The following SLC5A10 variants were observed in gnomAD, a reference collection of about 807,000 sequenced individuals.
SLC5A10 encodes the protein sodium/mannose cotransporter SLC5A10.
A neutral mutation model predicts 68.9 loss-of-function variants in SLC5A10; 55 were observed. The ratio of observed to expected loss-of-function variants is 0.80; its 90% CI spans 0.64 to 1.00. SLC5A10 has a LOEUF of 1.00. Among genes scored for constraint, SLC5A10 ranks in the 50% least tolerant of loss-of-function variants. The pLI is 0.00. For missense variants in SLC5A10, 732 were observed against 819.3 expected (o/e 0.89, Z 1.30); for synonymous variants, 344 against 344.8 (o/e 1.00, Z 0.02).
intron 1 of SLC5A10, 98 bp from the exon 2 acceptor site, chr17:18,958,584 A>G (rs2042548918): frequency 1.0e-6 from 1 of 971,976 alleles, no homozygotes; most frequent in Non-Finnish European, 1.6e-6. Context: ...TGGTGATTCT[A>G]TGCGTAACCT....
intron 9 of SLC5A10, among the ~76,000 whole-genome samples, chr17:18,982,886 T>G (rs1271258609): frequency 6.6e-6 from 1 of 152,176 alleles, no homozygotes; most frequent in Non-Finnish European, 1.5e-5. Context: ...ACGCCTCAGT[T>G]TTCTCATCTA....
intron 1 of SLC5A10, among the ~76,000 whole-genome samples, chr17:18,953,207 C>T (rs2042411513): frequency 6.7e-6 from 1 of 149,828 alleles, no homozygotes; most frequent in African/African-American, 2.5e-5. Flanking sequence ...ACTATCTCGG[C>T]TCACTGCAAC....
chr17:19,018,257 C>T lies in SLC5A10; in HGVS notation c.1242-1166C>T, dbSNP rs1410557572. 6.6e-6 allele frequency: 1 copy of T among 152,392 alleles called. No homozygotes were observed. Among genetic ancestry groups the T allele is most frequent in the African/African-American group, 2.4e-5 (1 of 41,456 alleles). The allele number at this position is 152,392 out of a possible 1,614,324, so 9.4% of individuals were successfully genotyped here. A position where few individuals can be genotyped will look rare whatever the true frequency, so the allele number is the denominator to read the frequency against. On this transcript the variant is annotated intron_variant, in intron 11 of 14. Coordinates refer to ENST00000395645, the MANE Select transcript of SLC5A10 (RefSeq NM_001042450.4). The surrounding 1 kb of genome is among the most constrained non-coding windows in gnomAD (Gnocchi z 4.2). Reference sequence around the variant, plus strand: ...GTTCCAGCGGGTCACCCACCACCCACCTTGGGGGTGAGGAATGCCAACTGA... The same window carrying T: ...GTTCCAGCGGGTCACCCACCACCCATCTTGGGGGTGAGGAATGCCAACTGA...
At chr17:18,960,789 A>G (rs2042599331) in intron 5 of SLC5A10, 137 bp downstream of exon 5, 2 of 864,618 alleles carry the variant, frequency 2.3e-6, no homozygotes, top group East Asian at 2.6e-5. Flanking sequence ...GAGAGGGGCA[A>G]TGACTTGCCC....
At chr17:18,954,744 T>C (rs9903337) in intron 1 of SLC5A10, among the ~76,000 whole-genome samples, 19,971 of 152,108 alleles carry the variant, frequency 0.13, 2,323 homozygotes, top group African/African-American at 0.3. Flanking sequence ...TGTTAACAAG[T>C]GACTGAAAAC....
intron 9 of SLC5A10, chr17:18,988,481 G>A: frequency 6.3e-7 from 1 of 1,587,240 alleles, no homozygotes; most frequent in Non-Finnish European, 8.6e-7. Flanking sequence ...TGCCCTGGCA[G>A]AGCGCACAGC....
chr17:18,953,744 T>C (rs1459592847), intron 1 of SLC5A10: 1 of 152,678 alleles, frequency 6.5e-6, no homozygotes, highest in Non-Finnish European at 1.5e-5. Context: ...ACCCAAAATC[T>C]GGAACATTTT....
Position 19,020,439 on chromosome 17 carries a change from A to G in SLC5A10, c.*8A>G. The G allele has an allele frequency of 6.2e-7, 1 of 1,612,536 alleles. No homozygotes were observed. The highest frequency in any genetic ancestry group is 2.2e-5 in the East Asian group (1 of 44,870). ...TATGCCTACTTCGCCTGACACTGCC[A>G]TCCTGGACAGAAAGGCAGGAGCTCT... On this transcript the variant is annotated 3_prime_UTR_variant, in exon 15 of 15. Transcript: ENST00000395645.
In SLC5A10 at chr17:19,019,445, G is replaced by A. The variant is rs1450425478; in HGVS notation, c.1264G>A (p.Gly422Ser). ...VGRLVIVALI[G>S]VSVAWIPVLQ... is the part of the protein sequence containing the mutation. The stretch of plus-strand genomic sequence containing the variant: ...CAGGCTGGTCATAGTGGCACTCATC[G>A]GCGTGAGTGTGGCCTGGATCCCCGT... The change falls in exon 12 of 15, where the codon GGC becomes AGC. Residue 422 changes from glycine to serine, a missense_variant. By Grantham distance (56) the Gly-to-Ser change is moderately conservative (BLOSUM62 0). Coordinates refer to ENST00000395645, the MANE Select transcript of SLC5A10 (RefSeq NM_001042450.4). 9 of 1,611,108 alleles carry A rather than the reference G, an allele frequency of 5.6e-6. No individual in the cohort carries two copies. Among genetic ancestry groups the A allele is most frequent in the South Asian group, 1.1e-5 (1 of 91,046 alleles).
chr17:18,994,882 T>C (rs1313319430), intron 9 of SLC5A10, among the ~76,000 whole-genome samples: 1 of 152,194 alleles, frequency 6.6e-6, no homozygotes, highest in African/African-American at 2.4e-5. Flanking sequence ...TGTTCTATTG[T>C]TTATAAAAGC....
chr17:18,963,286 G>A (rs1296975947), intron 5 of SLC5A10, among the ~76,000 whole-genome samples: 2 of 152,204 alleles, frequency 1.3e-5, no homozygotes, highest in Admixed American at 6.5e-5. Context: ...AGGTCACAGC[G>A]AGTCAGGCAG....
chr17:18,962,228 G>T (rs1217623485), intron 5 of SLC5A10, among the ~76,000 whole-genome samples: 2 of 152,202 alleles, frequency 1.3e-5, no homozygotes, highest in Non-Finnish European at 2.9e-5. Flanking sequence ...GGACAGGCAT[G>T]AAACTCAGAA....
chr17:18,970,195 G>A (rs2042806560), intron 7 of SLC5A10: 1 of 152,288 alleles, frequency 6.6e-6, no homozygotes, highest in African/African-American at 2.4e-5. Flanking sequence ...CCTCTTCCAT[G>A]TCCCACTTGG....
chr17:19,000,497 CAG>C lies in SLC5A10; in HGVS notation c.983-12912_983-12911del, dbSNP rs2043703279. On this transcript the variant is annotated intron_variant, in intron 9 of 14. Transcript: ENST00000395645. This position sits in a 1 kb window ranked among gnomAD's most constrained non-coding sequence, Gnocchi z 5.2. ...TAGTTCCATTCTAGTCATTTGGGAA[CAG>C]GGGGGACTGACAGCAGTCCTGACAG... is the stretch of plus-strand genomic sequence containing the variant. 6.6e-6 allele frequency among the ~76,000 whole-genome samples: 1 copy of C among 152,154 alleles called. No homozygotes were observed. The highest frequency in any genetic ancestry group is 1.5e-5 in the Non-Finnish European group (1 of 68,016).
At chr17:18,992,016 G>A (rs1336860748) in intron 9 of SLC5A10, among the ~76,000 whole-genome samples, 3 of 152,162 alleles carry the variant, frequency 2.0e-5, no homozygotes, top group Non-Finnish European at 2.9e-5. Flanking sequence ...CAGCAGGGAT[G>A]TGGGCACTCC....
intron 4 of SLC5A10, among the ~76,000 whole-genome samples, chr17:18,960,020 C>T (rs1431505868): frequency 6.6e-6 from 1 of 152,120 alleles, no homozygotes; most frequent in African/African-American, 2.4e-5. Context: ...GGTAGCATAC[C>T]TGGGCTGTAC....
chr17:19,015,173 C>T lies in SLC5A10; in HGVS notation c.1215C>T (p.Gly405=), dbSNP rs372157704. The change falls in exon 11 of 15, where the codon GGC becomes GGT. Residue 405 remains glycine (G), a synonymous_variant. Transcript: ENST00000395645. ...GGAGGCGGCTGCGTCCCCGCTCCGG[C>T]GAGCGGGAGCTCCTGCTGGTGGGAC... ...DIWRRLRPRS[G]ERELLLVGRL... 3.6e-5 allele frequency: 40 copies of T among 1,123,692 alleles called. No homozygotes were observed. The highest frequency in any genetic ancestry group is 2.0e-4 in the South Asian group (14 of 70,014). 69.6% of individuals were successfully genotyped at this position (1,123,692 alleles called of 1,614,324 possible).
chr17:18,952,373 T>A, intron 1 of SLC5A10, 57 bp downstream of exon 1: 1 of 1,562,000 alleles, frequency 6.4e-7, no homozygotes, highest in Non-Finnish European at 8.7e-7. Flanking sequence ...GTGCTTGGGG[T>A]GGGAACCGGG....
chr17:19,009,817 A>G, intron 9 of SLC5A10, among the ~76,000 whole-genome samples: 1 of 152,162 alleles, frequency 6.6e-6, no homozygotes, highest in Non-Finnish European at 1.5e-5. Flanking sequence ...CAGAGGTCAT[A>G]GAGTTATTGG....
Sources: allele counts gnomAD v4.1 joint callset (sites outside exome capture counted in the v4.1 genomes callset), GRCh38; gene constraint gnomAD v4.1.1; non-coding constraint Gnocchi (gnomAD v3.1); transcripts MANE v1.5; gene names NCBI Gene and HGNC (gene_info 2026-07-23, HGNC 2026-07-21).